Variants in SCAPER observed in about 807,000 individuals in gnomAD.
SCAPER encodes the protein S phase cyclin A-associated protein in the endoplasmic reticulum.
Under a neutral mutation model 182.2 loss-of-function variants are expected in SCAPER, and 98 were observed. The observed-to-expected ratio is 0.54, with a 90% confidence interval of 0.46 to 0.64. The LOEUF (loss-of-function observed/expected upper bound fraction) is 0.64, where lower values mean the gene tolerates loss of function less well. Ranked by LOEUF, SCAPER falls within the 30% of genes least tolerant of loss-of-function variation. SCAPER has a pLI of 0.00. For synonymous variants in SCAPER, 605 were observed against 564.6 expected, an observed-to-expected ratio of 1.07 and a Z score of -1.01; for missense variants, 1,432 against 1,690.0, an observed-to-expected ratio of 0.85 and a Z score of 2.68.
chr15:76,844,463 T>A (rs1260447128), intron 4 of SCAPER, among the ~76,000 whole-genome samples: 1 of 151,662 alleles, frequency 6.6e-6, no homozygotes, highest in African/African-American at 2.4e-5. Context: ...ATCTTCAACC[T>A]CAGATTAAGA....
chr15:76,716,953 G>A (rs1468775271), intron 17 of SCAPER, among the ~76,000 whole-genome samples: 1 of 152,024 alleles, frequency 6.6e-6, no homozygotes, highest in African/African-American at 2.4e-5. Flanking sequence ...ATAAACTTTA[G>A]AAGGTTCTCT....
Position 76,541,320 on chromosome 15 carries a change from T to C in SCAPER, c.2838+32838A>G, listed in dbSNP as rs548082449. Among the ~76,000 whole-genome samples, 9 of 152,308 alleles carry C rather than the reference T, an allele frequency of 5.9e-5. No individual in the cohort carries two copies. In the East Asian group the frequency reaches 1.5e-3, roughly 26 times the overall value. ...AAATAAGCTGCTCTAATCAACTTTA[T>C]ATTTTCTGAGGACAATTCAGCATCT... is the stretch of plus-strand genomic sequence containing the variant. On this transcript the variant is annotated intron_variant, in intron 23 of 31. Coordinates refer to ENST00000563290, the MANE Select transcript of SCAPER (RefSeq NM_020843.4).
chr15:76,442,471 T>G (rs1403049414), intron 25 of SCAPER, among the ~76,000 whole-genome samples: 1 of 152,244 alleles, frequency 6.6e-6, no homozygotes, highest in Non-Finnish European at 1.5e-5. Context: ...AGCACTGTCC[T>G]GGGAGGCCTG....
intron 8 of SCAPER, among the ~76,000 whole-genome samples, chr15:76,776,157 T>C (rs1284809462): frequency 6.6e-6 from 1 of 152,148 alleles, no homozygotes; most frequent in Non-Finnish European, 1.5e-5. Flanking sequence ...CTGCCTCCTA[T>C]GTATTCCAGA....
At chr15:76,688,976 G>A (rs1332621716) in intron 20 of SCAPER, among the ~76,000 whole-genome samples, 1 of 151,050 alleles carries the variant, frequency 6.6e-6, no homozygotes, top group Non-Finnish European at 1.5e-5. Flanking sequence ...AGCCTCCAGA[G>A]TAGCTGGGAC....
At chr15:76,726,621 A>C (rs1024236182) in intron 17 of SCAPER, among the ~76,000 whole-genome samples, 21 of 152,110 alleles carry the variant, frequency 1.4e-4, no homozygotes, top group Admixed American at 1.4e-3. Context: ...GAAATGAATA[A>C]ATAAAATGTG....
intron 25 of SCAPER, among the ~76,000 whole-genome samples, chr15:76,437,104 T>C (rs764747229): frequency 1.3e-5 from 2 of 152,182 alleles, no homozygotes; most frequent in Non-Finnish European, 2.9e-5. Flanking sequence ...GAAACTGGTG[T>C]CTTCTCTGAG....
At chr15:76,462,888 G>A (rs2049302401) in intron 25 of SCAPER, among the ~76,000 whole-genome samples, 1 of 152,074 alleles carries the variant, frequency 6.6e-6, no homozygotes, top group Non-Finnish European at 1.5e-5. Context: ...GTTAACTTAG[G>A]ATTTAGGAGA....
chr15:76,846,199 G>C (rs566641121), intron 4 of SCAPER, among the ~76,000 whole-genome samples: 1 of 152,040 alleles, frequency 6.6e-6, no homozygotes, highest in African/African-American at 2.4e-5. Flanking sequence ...AAATCAAAAT[G>C]GATCAATGAC....
chr15:76,404,851 T>C (rs1465818773), intron 26 of SCAPER, among the ~76,000 whole-genome samples, 172 bp from the exon 27 acceptor site: 1 of 152,214 alleles, frequency 6.6e-6, no homozygotes, highest in African/African-American at 2.4e-5. Flanking sequence ...TCCTGAATAA[T>C]CAGCTCTTTC....
At chr15:76,376,525 A>G (rs1248357687) in intron 28 of SCAPER, among the ~76,000 whole-genome samples, 12 of 152,260 alleles carry the variant, frequency 7.9e-5, no homozygotes, top group African/African-American at 2.7e-4. Flanking sequence ...GGACAGTAGT[A>G]GACCAAATGC....
At chr15:76,714,107 T>A (rs78955901) in intron 17 of SCAPER, among the ~76,000 whole-genome samples, 3,741 of 151,990 alleles carry the variant, frequency 0.025, 67 homozygotes, top group Middle Eastern at 0.041. Context: ...CTCAAAAAAA[T>A]AGTGCAGAGT....
intron 20 of SCAPER, among the ~76,000 whole-genome samples, chr15:76,700,600 A>T (rs2058889377): frequency 6.6e-6 from 1 of 151,942 alleles, no homozygotes; most frequent in South Asian, 2.1e-4. Flanking sequence ...AGAGTGTGCC[A>T]GCCTTCTTGA....
intron 4 of SCAPER, among the ~76,000 whole-genome samples, chr15:76,855,525 T>C (rs1489499653): frequency 6.7e-6 from 1 of 149,176 alleles, no homozygotes; most frequent in Admixed American, 6.7e-5. Flanking sequence ...ACCATGCATC[T>C]GACAGAGGTT....
At chr15:76,886,905 A>G (rs2073870352) in intron 1 of SCAPER, among the ~76,000 whole-genome samples, 1 of 152,192 alleles carries the variant, frequency 6.6e-6, no homozygotes, top group Admixed American at 6.5e-5. Flanking sequence ...CAGGAACAGA[A>G]AACCAAACAC....
At chr15:76,710,441 C>T (rs527319409) in intron 17 of SCAPER, among the ~76,000 whole-genome samples, 1 of 152,122 alleles carries the variant, frequency 6.6e-6, no homozygotes, top group African/African-American at 2.4e-5. Flanking sequence ...TCATTAAAAA[C>T]AGAGTTGTAG....
intron 23 of SCAPER, among the ~76,000 whole-genome samples, chr15:76,538,837 G>A (rs1027258124): frequency 2.0e-5 from 3 of 152,126 alleles, no homozygotes; most frequent in African/African-American, 7.2e-5. Flanking sequence ...GGTATAGACA[G>A]TTATTTGATC....
rs73442144 is a variant in SCAPER at position 76,435,797 on chromosome 15, G to A, written c.3079-1487C>T. Among the ~76,000 whole-genome samples, 675 of 152,292 alleles carry A rather than the reference G, an allele frequency of 4.4e-3. 7 individuals are homozygous for A. Among genetic ancestry groups the A allele is most frequent in the African/African-American group, 0.015 (644 of 41,558 alleles). On this transcript the variant is annotated intron_variant, in intron 25 of 31. Transcript: ENST00000563290. The stretch of plus-strand genomic sequence containing the variant: ...CATATCCTTTAAGTTTTGAAGGATT[G>A]CTCCATTGTTTTCCACTTCAAGCAT...
intron 25 of SCAPER, among the ~76,000 whole-genome samples, chr15:76,444,095 C>G (rs916507353): frequency 2.6e-5 from 4 of 152,182 alleles, no homozygotes; most frequent in African/African-American, 7.2e-5. Context: ...ACCAGAGGGT[C>G]CTTTTCCACC....
Sources: gnomAD v4.1 joint callset for allele counts (sites outside exome capture counted in the v4.1 genomes callset) on GRCh38, gnomAD v4.1.1 for gene constraint, MANE v1.5 for transcripts, NCBI Gene and HGNC (gene_info 2026-07-23, HGNC 2026-07-21) for gene names.